The following PYROXD1 variants were observed in gnomAD, a reference collection of about 807,000 sequenced individuals.
The protein encoded by PYROXD1 is tRNA ligase complex-associated NAD(P)H dehydrogenase PYROXD1.
A neutral mutation model predicts 62.0 loss-of-function variants in PYROXD1; 42 were observed. The observed-to-expected ratio is 0.68, with a 90% CI of 0.53 to 0.88. The LOEUF (loss-of-function observed/expected upper bound fraction) is 0.88, where lower values mean the gene tolerates loss of function less well. PYROXD1 is among the 40% of genes least tolerant of loss of function. PYROXD1 has a pLI of 0.00. For missense variants in PYROXD1, 493 were observed against 604.8 expected (o/e 0.82, Z 1.94); for synonymous variants, 170 against 206.4 (o/e 0.82, Z 1.51).
At chr12:21,441,891 C>T (rs1942302027) in intron 2 of PYROXD1, among the ~76,000 whole-genome samples, 1 of 152,188 alleles carries the variant, frequency 6.6e-6, no homozygotes, top group African/African-American at 2.4e-5. Context: ...AAGACCTTCC[C>T]CTATGGGGAG....
At chr12:21,453,229 T>C (rs1031480125) in intron 5 of PYROXD1, among the ~76,000 whole-genome samples, 2 of 152,132 alleles carry the variant, frequency 1.3e-5, no homozygotes, top group Non-Finnish European at 1.5e-5. Flanking sequence ...TCAAAAATGT[T>C]CAGAGTCTTA....
Position 21,461,086 on chromosome 12 carries a change from A to G in PYROXD1, c.812A>G (p.Glu271Gly). The stretch of plus-strand genomic sequence containing the variant: ...GTAAAGAAAATCTACCTTCAGGATG[A>G]GTTTAGAATTTTGAAGAAAAAGTCC... Reference protein sequence around the residue: ...CEVKKIYLQDEFRILKKKSFT... With the variant: ...CEVKKIYLQDGFRILKKKSFT... Residue 271 changes from glutamate to glycine, a missense_variant, in exon 8 of 12, where the codon GAG becomes GGG. By Grantham distance (98) the Glu-to-Gly change is moderately conservative. This residue lies in a region of PYROXD1 where 329 missense variants were observed against 446.6 expected (regional missense o/e 0.74). Transcript: ENST00000240651. 1 of 1,584,570 alleles carries G rather than the reference A, an allele frequency of 6.3e-7. No homozygotes were observed. Among genetic ancestry groups the G allele is most frequent in the South Asian group, 1.2e-5 (1 of 85,476 alleles).
chr12:21,446,810 G>C (rs1942398566), intron 3 of PYROXD1, among the ~76,000 whole-genome samples: 1 of 151,946 alleles, frequency 6.6e-6, no homozygotes, highest in African/African-American at 2.4e-5. Flanking sequence ...AGCTACTTTG[G>C]TGACTGAGGT....
intron 2 of PYROXD1, among the ~76,000 whole-genome samples, chr12:21,443,919 G>A (rs1169472401): frequency 6.6e-6 from 1 of 152,146 alleles, no homozygotes; most frequent in Non-Finnish European, 1.5e-5. Flanking sequence ...AAAAATTATA[G>A]CTATTAATCT....
chr12:21,452,184 T>TA (rs1555140304), intron 5 of PYROXD1, 30 bp downstream of exon 5: 1 of 1,280,936 alleles, frequency 7.8e-7, no homozygotes, highest in Non-Finnish European at 1.0e-6. Flanking sequence ...TATGATAACA[T>TA]TTAAATTGTT....
At chr12:21,449,252 AC>A (rs1189378317) in intron 3 of PYROXD1, among the ~76,000 whole-genome samples, 10 of 152,320 alleles carry the variant, frequency 6.6e-5, no homozygotes, top group Non-Finnish European at 1.5e-4. Context: ...TTTTCAACCA[AC>A]ATGGGATTCC....
At position 21,465,446 on chromosome 12, in the gene PYROXD1, C is replaced by G. The variant is rs528258447; in HGVS notation, c.1117-2035C>G. Among the ~76,000 whole-genome samples, 29 of 152,104 alleles carry G rather than the reference C, an allele frequency of 1.9e-4. 1 individual carries two copies. In the South Asian group the frequency reaches 6.0e-3, roughly 32 times the overall value. On this transcript the variant is annotated intron_variant, in intron 10 of 11. Transcript: ENST00000240651. ...TGATGATGAGCATTTTTTCATTTGT[C>G]TTTTGGCTGCATAAATATCTTCTTT...
chr12:21,460,582 C>T (rs1441994876), intron 7 of PYROXD1, among the ~76,000 whole-genome samples: 1 of 151,874 alleles, frequency 6.6e-6, no homozygotes, highest in Non-Finnish European at 1.5e-5. Context: ...CACCACCAGG[C>T]CTGGCTAATT....
At chr12:21,460,889 C>G (rs1942684620) in intron 7 of PYROXD1, 136 bp from the exon 8 acceptor site, 1 of 506,544 alleles carries the variant, frequency 2.0e-6, no homozygotes, top group Admixed American at 4.2e-5. Context: ...TTTAGGGCAC[C>G]CAATGTGGTT....
rs565377730 is a variant in PYROXD1 at position 21,467,150 on chromosome 12, T to A, written c.1117-331T>A. 3 of 181,414 alleles carry A rather than the reference T, an allele frequency of 1.7e-5. No individual in the cohort carries two copies. In the East Asian group the frequency reaches 4.3e-4, roughly 26 times the overall value. The allele number at this position is 181,414 out of a possible 1,614,324, so 11.2% of individuals were successfully genotyped here. ...AGTGATAATTTGACATCTCTGTTAA[T>A]GGTGATGACAAATTTTTGAAGAAGG... On this transcript the variant is annotated intron_variant, in intron 10 of 11. Transcript: ENST00000240651.
rs138240189 is a variant in PYROXD1 at position 21,455,647 on chromosome 12, T to C, written c.650-348T>C. Among the ~76,000 whole-genome samples, 808 of 151,524 alleles carry C rather than the reference T, an allele frequency of 5.3e-3. 6 individuals are homozygous for C. The highest frequency in any genetic ancestry group is 0.018 in the African/African-American group (748 of 41,498). ...AAGTTTGATAGCTTTGAAAAACTTT[T>C]AGATTATAAAATTAAACAAGAGTTT... On this transcript the variant is annotated intron_variant, in intron 6 of 11. Coordinates refer to ENST00000240651, the MANE Select transcript of PYROXD1 (RefSeq NM_024854.5).
intron 2 of PYROXD1, among the ~76,000 whole-genome samples, chr12:21,442,934 G>C (rs370914823): frequency 6.6e-6 from 1 of 152,066 alleles, no homozygotes; most frequent in Non-Finnish European, 1.5e-5. Context: ...CCATTTTCAT[G>C]CTCCACTGTG....
intron 2 of PYROXD1, among the ~76,000 whole-genome samples, chr12:21,442,769 G>A (rs768931208): frequency 6.6e-6 from 1 of 152,202 alleles, no homozygotes; most frequent in Non-Finnish European, 1.5e-5. Context: ...AGTAGCAAGG[G>A]ATGCCAGTTT....
chr12:21,455,670 T>G (rs921028379), intron 6 of PYROXD1, among the ~76,000 whole-genome samples: 1 of 151,548 alleles, frequency 6.6e-6, no homozygotes, highest in Non-Finnish European at 1.5e-5. Flanking sequence ...TAAACAAGAG[T>G]TTTGTACATT....
intron 11 of PYROXD1, among the ~76,000 whole-genome samples, chr12:21,468,253 A>G (rs1168757789): frequency 6.6e-6 from 1 of 152,050 alleles, no homozygotes; most frequent in Non-Finnish European, 1.5e-5. Context: ...TTAGTGTTAA[A>G]ATATTAAACA....
intron 3 of PYROXD1, among the ~76,000 whole-genome samples, chr12:21,446,784 G>A (rs575708374): frequency 1.1e-4 from 17 of 152,038 alleles, no homozygotes; most frequent in Non-Finnish European, 2.1e-4. Context: ...GCATGGTGGC[G>A]TGCACTTGTA....
intron 7 of PYROXD1, among the ~76,000 whole-genome samples, chr12:21,456,391 G>T (rs1211077461): frequency 6.6e-6 from 1 of 152,020 alleles, no homozygotes; most frequent in East Asian, 1.9e-4. Flanking sequence ...GACCATCACA[G>T]GAAATGATAT....
At chr12:21,452,663 A>C (rs1655922949) in intron 5 of PYROXD1, among the ~76,000 whole-genome samples, 1 of 152,066 alleles carries the variant, frequency 6.6e-6, no homozygotes, top group South Asian at 2.1e-4. Context: ...AAATGTGAAC[A>C]CATTAATTAA....
In PYROXD1 at chr12:21,440,112, A is replaced by G. The variant is rs183071563; in HGVS notation, c.85-256A>G. ...TGAAGTAAATAAAGGATATTTCTTT[A>G]TATCACTTTTCTTGTTCAGGAGTTC... is the stretch of plus-strand genomic sequence containing the variant. On this transcript the variant is annotated intron_variant, in intron 1 of 11. Transcript: ENST00000240651. 8.5e-4 allele frequency among the ~76,000 whole-genome samples: 129 copies of G among 152,306 alleles called. 2 individuals are homozygous for G. The highest frequency in any genetic ancestry group is 3.8e-3 in the Admixed American group (58 of 15,296).
Sources: allele counts gnomAD v4.1 joint callset (sites outside exome capture counted in the v4.1 genomes callset), GRCh38; gene constraint gnomAD v4.1.1; regional missense constraint gnomAD v4.1.1; transcripts MANE v1.5; gene names NCBI Gene and HGNC (gene_info 2026-07-23, HGNC 2026-07-21).